DNAH6: variants seen among roughly 807,000 people sequenced by gnomAD.
The protein encoded by DNAH6 is axonemal beta dynein heavy chain 6.
Under a neutral mutation model 491.4 loss-of-function variants are expected in DNAH6, and 340 were observed. The observed-to-expected ratio is 0.69, with a 90% confidence interval of 0.63 to 0.76. DNAH6 has a LOEUF of 0.76. DNAH6 is among the 30% of genes least tolerant of loss of function. The probability of loss-of-function intolerance (pLI) is 0.00; values close to 1 mark genes in which losing one functional copy is unlikely to be tolerated. For synonymous variants in DNAH6, 1,603 were observed against 1,686.1 expected (o/e 0.95, Z 1.21); for missense variants, 4,443 against 4,972.2 (o/e 0.89, Z 3.20).
At chr2:84,750,256 A>ATC (rs1193746037) in intron 63 of DNAH6, among the ~76,000 whole-genome samples, 1 of 140,586 alleles carries the variant, frequency 7.1e-6, no homozygotes, top group Non-Finnish European at 1.5e-5. Context: ...CAGTGGCATG[A>ATC]TCTCCACTCA....
intron 64 of DNAH6, among the ~76,000 whole-genome samples, chr2:84,776,147 G>A (rs960739870): frequency 1.4e-4 from 21 of 152,270 alleles, no homozygotes; most frequent in African/African-American, 3.9e-4. Context: ...CAAGACATAC[G>A]ATACTGGATT....
chr2:84,723,918 AG>A (rs1477414392), intron 60 of DNAH6, among the ~76,000 whole-genome samples: 1 of 152,222 alleles, frequency 6.6e-6, no homozygotes, highest in East Asian at 1.9e-4. Flanking sequence ...AAAGACTTCC[AG>A]GGAAGACAGA....
chr2:84,773,870 G>A (rs1007843820), intron 64 of DNAH6, among the ~76,000 whole-genome samples: 3 of 152,034 alleles, frequency 2.0e-5, no homozygotes, highest in Non-Finnish European at 2.9e-5. Flanking sequence ...GTTTTTGGAC[G>A]CCTGTATGTC....
At position 84,796,534 on chromosome 2, in the gene DNAH6, T is replaced by A. The variant is rs921892464; in HGVS notation, c.11359+109T>A. 1.1e-5 allele frequency: 10 copies of A among 893,826 alleles called. No homozygotes were observed. The African/African-American group carries it at 1.7e-4, about 16-fold the overall frequency. The allele number at this position is 893,826 out of a possible 1,614,324, so 55.4% of individuals were successfully genotyped here. On this transcript the variant is annotated intron_variant, in intron 69 of 76. Transcript: ENST00000389394. The stretch of plus-strand genomic sequence containing the variant: ...CTGTGTCAGGTCTCCACAACGCTGT[T>A]ATAGCCACACCCTATCCCCATGCTT...
chr2:84,682,143 A>C lies in DNAH6; in HGVS notation c.6916+615A>C, dbSNP rs147008133. On this transcript the variant is annotated intron_variant, in intron 42 of 76. Transcript: ENST00000389394. ...TCAAGTTCTCCCTTTACTATACGTC[A>C]ATCAAAGTTGTGATACCCAACACTG... is the stretch of plus-strand genomic sequence containing the variant. 9.8e-4 allele frequency among the ~76,000 whole-genome samples: 150 copies of C among 152,296 alleles called. 2 individuals are homozygous for C. In the South Asian group the frequency reaches 0.011, roughly 12 times the overall value.
chr2:84,493,725 GCTATAC>G, the DNAH6 span, among the ~76,000 whole-genome samples: 1 of 152,164 alleles, frequency 6.6e-6, no homozygotes, highest in African/African-American at 2.4e-5. Context: ...AGACTGGATG[GCTATAC>G]AAGTGACGCA....
rs1365832824 is a variant in DNAH6 at position 84,625,029 on chromosome 2, T to C, written c.4481T>C (p.Val1494Ala). ...DLAKALAIQC[V>A]VFNCSDGLDY... ...GCAAAAGCTCTTGCCATCCAGTGTG[T>C]GGTCTTTAACTGTTCAGATGGTTTG... The change falls in exon 29 of 77, where the codon GTG becomes GCG. Residue 1494 changes from valine (V) to alanine (A), a missense_variant. By Grantham distance (64) the Val-to-Ala change is moderately conservative. This residue lies in a region of DNAH6 where 2,977 missense variants were observed against 3,296.6 expected (regional missense o/e 0.90). Transcript: ENST00000389394. The C allele has an allele frequency of 1.3e-6, 2 of 1,551,236 alleles. No homozygotes were observed. The highest frequency in any genetic ancestry group is 1.7e-4 in the Middle Eastern group (1 of 6,008).
chr2:84,551,234 C>T (rs1021792405), intron 9 of DNAH6, among the ~76,000 whole-genome samples: 18 of 152,134 alleles, frequency 1.2e-4, no homozygotes, highest in Non-Finnish European at 1.5e-5. Flanking sequence ...TTCTCTTCTC[C>T]CCTATTCTGA....
intron 63 of DNAH6, among the ~76,000 whole-genome samples, chr2:84,754,473 G>A (rs766789362): frequency 2.6e-5 from 4 of 152,192 alleles, no homozygotes; most frequent in Non-Finnish European, 5.9e-5. Flanking sequence ...GAGCCACCAC[G>A]CCTGGCCCCA....
intron 60 of DNAH6, among the ~76,000 whole-genome samples, chr2:84,723,091 G>T (rs1420708022): frequency 6.6e-6 from 1 of 152,142 alleles, no homozygotes; most frequent in East Asian, 1.9e-4. Flanking sequence ...AGCCAGGCGT[G>T]GTGGCAGGTG....
chr2:84,487,877 G>A, the DNAH6 span, among the ~76,000 whole-genome samples: 3 of 152,080 alleles, frequency 2.0e-5, no homozygotes, highest in African/African-American at 4.8e-5. Context: ...CCTGTCTATG[G>A]GGATAACTGT....
At chr2:84,666,358 G>A (rs976155483) in intron 37 of DNAH6, among the ~76,000 whole-genome samples, 3 of 152,136 alleles carry the variant, frequency 2.0e-5, no homozygotes, top group African/African-American at 4.8e-5. Context: ...AAATCCCATC[G>A]TCTCAGCCCA....
chr2:84,747,013 C>A (rs1247893944), intron 63 of DNAH6, among the ~76,000 whole-genome samples: 1 of 152,138 alleles, frequency 6.6e-6, no homozygotes, highest in Non-Finnish European at 1.5e-5. Context: ...TATGAGGGAT[C>A]CATCTCCATG....
intron 70 of DNAH6, among the ~76,000 whole-genome samples, chr2:84,801,898 GA>G (rs1242824868): frequency 2.0e-5 from 3 of 147,668 alleles, no homozygotes; most frequent in Non-Finnish European, 4.5e-5. Flanking sequence ...AAAAAGAAAA[GA>G]AAAAAAGAAA....
intron 64 of DNAH6, chr2:84,778,343 A>C: frequency 2.5e-6 from 1 of 396,170 alleles, no homozygotes; most frequent in Non-Finnish European, 4.7e-6. Context: ...AATTCTTTGT[A>C]TGGATTTTGG....
At chr2:84,732,645 A>G (rs918852598) in intron 61 of DNAH6, among the ~76,000 whole-genome samples, 3 of 152,170 alleles carry the variant, frequency 2.0e-5, no homozygotes, top group Non-Finnish European at 2.9e-5. Context: ...AAGGGGAGTA[A>G]TAGCTAAGGG....
Position 84,745,096 on chromosome 2 carries a change from T to C in DNAH6, c.10359T>C (p.Tyr3453=), listed in dbSNP as rs945766973. The change falls in exon 63 of 77, where the codon TAT becomes TAC. Residue 3453 remains tyrosine (Y), a synonymous_variant. Coordinates refer to ENST00000389394, the MANE Select transcript of DNAH6 (RefSeq NM_001370.2). ...TATTTCCAGGATCTTTTGAGACTTA[T>C]ATTAACCCACAGAAATGGGAAGGCT... ...ISIRLGSFET[Y]INPQKWEGYS... is the part of the protein sequence containing the mutation. The C allele has an allele frequency of 6.5e-7, 1 of 1,529,164 alleles. No homozygotes were observed. Among genetic ancestry groups the C allele is most frequent in the Non-Finnish European group, 8.8e-7 (1 of 1,136,764 alleles). The allele number at this position is 1,529,164 out of a possible 1,614,324, so 94.7% of individuals were successfully genotyped here.
Position 84,784,053 on chromosome 2 carries a change from G to A in DNAH6, c.10865-669G>A, listed in dbSNP as rs555875675. On this transcript the variant is annotated intron_variant, in intron 65 of 76. Coordinates refer to ENST00000389394, the MANE Select transcript of DNAH6 (RefSeq NM_001370.2). The stretch of plus-strand genomic sequence containing the variant: ...GCATGTTTGAGAAACAGCATAATAC[G>A]TACTTAAAAACCAATGCCAAGGAAT... Among the ~76,000 whole-genome samples the A allele has an allele frequency of 7.4e-4, 112 of 152,300 alleles. 1 individual carries two copies. Among genetic ancestry groups the A allele is most frequent in the African/African-American group, 2.3e-3 (97 of 41,570 alleles).
intron 19 of DNAH6, 79 bp downstream of exon 19, chr2:84,604,630 T>A (rs1209372606): frequency 8.6e-7 from 1 of 1,168,698 alleles, no homozygotes; most frequent in Admixed American, 2.4e-5. Context: ...GTGATCTGGA[T>A]GTTTTTTTCA....
Sources: allele counts gnomAD v4.1 joint callset (sites outside exome capture counted in the v4.1 genomes callset), GRCh38; gene constraint gnomAD v4.1.1; regional missense constraint gnomAD v4.1.1; transcripts MANE v1.5; gene names NCBI Gene and HGNC (gene_info 2026-07-23, HGNC 2026-07-21).